Variants in TMPO observed in about 807,000 individuals in gnomAD.
TMPO encodes LEM domain containing 4.
A neutral mutation model predicts 45.4 loss-of-function variants in TMPO; 22 were observed. The ratio of observed to expected loss-of-function variants is 0.48; its 90% CI spans 0.35 to 0.69. The LOEUF (loss-of-function observed/expected upper bound fraction) is 0.69, where lower values mean the gene tolerates loss of function less well. Ranked by LOEUF, TMPO falls within the 30% of genes least tolerant of loss-of-function variation. The pLI is 0.01. For missense variants in TMPO, 512 were observed against 548.8 expected, an observed-to-expected ratio of 0.93 and a Z score of 0.67; for synonymous variants, 241 against 204.1, an observed-to-expected ratio of 1.18 and a Z score of -1.54.
At chr12:98,535,431 T>C (rs1877510925) in intron 3 of TMPO, 4 of 985,262 alleles carry the variant, frequency 4.1e-6, no homozygotes, top group Non-Finnish European at 4.8e-6. Flanking sequence ...TAATAAAATA[T>C]GGTCTCTTGG....
In TMPO at chr12:98,515,888, C is replaced by T. The variant is rs1216751680; in HGVS notation, c.21C>T (p.Asp7=). The change falls in exon 1 of 9, where the codon GAC becomes GAT. Residue 7 remains aspartate (D), a synonymous_variant. Coordinates refer to ENST00000556029, the MANE Select transcript of TMPO (RefSeq NM_001032283.3). MPEFLE[D]PSVLTKDKLK... ...CCGAGATGCCGGAGTTCCTGGAAGA[C>T]CCCTCGGTCCTGACAAAAGACAAGT... 2 of 1,613,688 alleles carry T rather than the reference C, an allele frequency of 1.2e-6. No individual in the cohort carries two copies. Among genetic ancestry groups the T allele is most frequent in the Admixed American group, 3.3e-5 (2 of 60,018 alleles).
chr12:98,518,470 C>CTTTTTTTTTTTTTTTTTTTTTTTTTTT (rs11437786), intron 1 of TMPO, among the ~76,000 whole-genome samples: 1 of 83,518 alleles, frequency 1.2e-5, no homozygotes, highest in Non-Finnish European at 2.2e-5. Context: ...ATTTTCTAAT[C>CTTTTTTTTTTTTTTTTTTTTTTTTTTT]TTTTTTTTTT....
intron 1 of TMPO, among the ~76,000 whole-genome samples, chr12:98,524,811 C>G (rs1048042752): frequency 1.4e-4 from 22 of 152,192 alleles, no homozygotes; most frequent in African/African-American, 4.1e-4. Context: ...CCATGCTGGT[C>G]TCGAACTCCT....
In TMPO at chr12:98,550,190, G is replaced by T. The variant is rs1371566754; in HGVS notation, c.*2332G>T. The T allele has an allele frequency of 1.3e-5, 2 of 152,134 alleles. No individual in the cohort carries two copies. The highest frequency in any genetic ancestry group is 2.9e-5 in the Non-Finnish European group (2 of 68,022). 9.4% of individuals were successfully genotyped at this position (152,134 alleles called of 1,614,324 possible). A position where few individuals can be genotyped will look rare whatever the true frequency, so the allele number is the denominator to read the frequency against. ...AAAACATGTACTTGGTCTTTTGTGT[G>T]TGTCTGTTTTATTCCATTAGAATAA... On this transcript the variant is annotated 3_prime_UTR_variant, in exon 9 of 9. Coordinates refer to ENST00000556029, the MANE Select transcript of TMPO (RefSeq NM_001032283.3).
chr12:98,520,671 TG>T (rs1876276085), intron 1 of TMPO, among the ~76,000 whole-genome samples: 1 of 151,466 alleles, frequency 6.6e-6, no homozygotes, highest in African/African-American at 2.4e-5. Flanking sequence ...TCATCCCAGC[TG>T]GAGTGCAGTG....
chr12:98,537,464 GTTAT>G lies in TMPO; in HGVS notation c.566-8_566-5del. ...TTCAGAGAGTAATGGTTTCTCCAAT[GTTAT>G]TTCCAGACTCTAAAATAGAGCTCAA... On this transcript the variant is annotated splice_region_variant and splice_polypyrimidine_tract_variant and intron_variant, in intron 3 of 8. Transcript: ENST00000556029. The G allele has an allele frequency of 6.2e-7, 1 of 1,601,416 alleles. No individual in the cohort carries two copies. The highest frequency in any genetic ancestry group is 8.6e-7 in the Non-Finnish European group (1 of 1,169,358).
At chr12:98,540,012 A>C (rs1242479351) in intron 4 of TMPO, among the ~76,000 whole-genome samples, 1 of 152,206 alleles carries the variant, frequency 6.6e-6, no homozygotes, top group Non-Finnish European at 1.5e-5. Flanking sequence ...TGTTGTTCAA[A>C]TCAGGATCCA....
intron 2 of TMPO, among the ~76,000 whole-genome samples, chr12:98,530,109 G>C (rs1256851471): frequency 6.6e-6 from 1 of 152,044 alleles, no homozygotes; most frequent in Non-Finnish European, 1.5e-5. Flanking sequence ...AGGCCAAGGT[G>C]GTGGAATTGC....
chr12:98,537,864 T>G (rs915575867), intron 4 of TMPO, among the ~76,000 whole-genome samples: 1 of 151,932 alleles, frequency 6.6e-6, no homozygotes, highest in Non-Finnish European at 1.5e-5. Context: ...GGTGGAAATA[T>G]CTAGACACTT....
chr12:98,536,773 A>G (rs570993069), intron 3 of TMPO, among the ~76,000 whole-genome samples: 4 of 152,336 alleles, frequency 2.6e-5, no homozygotes, highest in Non-Finnish European at 5.9e-5. Context: ...TGTTAGGTTA[A>G]TAACTATCAT....
chr12:98,533,248 G>A lies in TMPO; in HGVS notation c.565+1410G>A, dbSNP rs774919594. 8.1e-6 allele frequency: 13 copies of A among 1,613,684 alleles called. No homozygotes were observed. The highest frequency in any genetic ancestry group is 2.2e-5 in the East Asian group (1 of 44,898). The stretch of plus-strand genomic sequence containing the variant: ...TAAAGACATAGTAGAAAATATTTGC[G>A]GTAGAGAGAAAAGTGGAATTCAACC... On this transcript the variant is annotated intron_variant, in intron 3 of 8. Coordinates refer to ENST00000556029, the MANE Select transcript of TMPO (RefSeq NM_001032283.3).
At chr12:98,520,916 T>C (rs1009042172) in intron 1 of TMPO, among the ~76,000 whole-genome samples, 1 of 151,948 alleles carries the variant, frequency 6.6e-6, no homozygotes, top group Non-Finnish European at 1.5e-5. Context: ...TTCTGCATAA[T>C]GGAGTGGTAA....
At chr12:98,534,802 T>A in intron 3 of TMPO, 1 of 1,003,328 alleles carries the variant, frequency 1.0e-6, no homozygotes, top group Non-Finnish European at 1.2e-6. Flanking sequence ...CCATAACTTG[T>A]CCATATTTTT....
In TMPO at chr12:98,544,464, G is replaced by T. The variant is rs142891873; in HGVS notation, c.806G>T (p.Arg269Leu). Residue 269 changes from arginine (R) to leucine (L), a missense_variant, in exon 6 of 9, where the codon CGT becomes CTT. By Grantham distance (102) the Arg-to-Leu change is moderately radical. Coordinates refer to ENST00000556029, the MANE Select transcript of TMPO (RefSeq NM_001032283.3). ...RKRVETSEHF[R>L]IDGPVISEST... ...CAGGTGGAAACTTCAGAACATTTTCGTATAGATGGTCCAGTAATTTCAGAG... is the reference window on the plus strand; with the variant it reads ...CAGGTGGAAACTTCAGAACATTTTCTTATAGATGGTCCAGTAATTTCAGAG... 2 of 1,613,800 alleles carry T rather than the reference G, an allele frequency of 1.2e-6. No individual in the cohort carries two copies. The highest frequency in any genetic ancestry group is 1.7e-6 in the Non-Finnish European group (2 of 1,179,870).
At chr12:98,527,016 G>T (rs186157228) in intron 1 of TMPO, among the ~76,000 whole-genome samples, 1 of 151,838 alleles carries the variant, frequency 6.6e-6, no homozygotes. Context: ...GTGTAAGCCT[G>T]TATGGTAAAG....
intron 1 of TMPO, among the ~76,000 whole-genome samples, chr12:98,516,767 T>C (rs1371711775): frequency 6.6e-6 from 1 of 152,192 alleles, no homozygotes; most frequent in Admixed American, 6.5e-5. Context: ...AAAAGGAGCA[T>C]TTTAAACTAT....
At chr12:98,545,284 G>T (rs1878166017) in intron 7 of TMPO, among the ~76,000 whole-genome samples, 1 of 152,066 alleles carries the variant, frequency 6.6e-6, no homozygotes, top group Non-Finnish European at 1.5e-5. Context: ...TCTTGCCACT[G>T]TATCCCTCTT....
intron 1 of TMPO, 183 bp downstream of exon 1, chr12:98,516,329 A>G (rs890424231): frequency 8.2e-7 from 1 of 1,224,596 alleles, no homozygotes; most frequent in African/African-American, 1.6e-5. Context: ...GAGAGGCCAG[A>G]AGTTGGGGCC....
chr12:98,522,964 G>C (rs762798428), intron 1 of TMPO, among the ~76,000 whole-genome samples: 5 of 152,202 alleles, frequency 3.3e-5, no homozygotes, highest in Admixed American at 6.5e-5. Context: ...AGAGATTAAA[G>C]GAATTAGAGA....
Sources: allele counts gnomAD v4.1 joint callset (sites outside exome capture counted in the v4.1 genomes callset), GRCh38; gene constraint gnomAD v4.1.1; transcripts MANE v1.5; gene names NCBI Gene and HGNC (gene_info 2026-07-23, HGNC 2026-07-21).